Variants in BCHE observed in about 807,000 individuals in gnomAD.
BCHE encodes the protein cholinesterase.
In BCHE, 48 loss-of-function variants were observed where a neutral mutation model predicts 51.3. The ratio of observed to expected loss-of-function variants is 0.94; its 90% confidence interval spans 0.74 to 1.19. BCHE has a LOEUF of 1.19. Among genes scored for constraint, BCHE ranks in the 50% most tolerant of loss-of-function variants. The pLI, the probability that BCHE is intolerant of heterozygous loss-of-function variation, is 0.00. For missense variants in BCHE, 847 were observed against 708.2 expected, an observed-to-expected ratio of 1.20 and a Z score of -2.23; for synonymous variants, 251 against 238.0, an observed-to-expected ratio of 1.05 and a Z score of -0.50.
In BCHE at chr3:165,830,694, TG is replaced by T. The variant is rs754304373; in HGVS notation, c.339del (p.Asn113LysfsTer11). The T allele has an allele frequency of 6.2e-7, 1 of 1,614,056 alleles. No homozygotes were observed. The highest frequency in any genetic ancestry group is 8.5e-7 in the Non-Finnish European group (1 of 1,179,968). On this transcript the variant is annotated frameshift_variant, in exon 2 of 4. Transcript: ENST00000264381. LOFTEE classifies it high-confidence loss of function. ...GFHGSEMWNP[N>X]TDLSEDCLYL... is the part of the protein sequence containing the mutation. The stretch of plus-strand genomic sequence containing the variant: ...TATAAACAGTCTTCACTGAGGTCAG[TG>T]TTTGGGTTCCACATCTCTGATCCAT...
At chr3:165,799,392 A>G (rs1362046313) in intron 2 of BCHE, among the ~76,000 whole-genome samples, 1 of 152,160 alleles carries the variant, frequency 6.6e-6, no homozygotes, top group African/African-American at 2.4e-5. Flanking sequence ...CATTTTATGT[A>G]TTAATATACA....
Position 165,786,318 on chromosome 3 carries a change from A to C in BCHE, c.1518-7T>G. On this transcript the variant is annotated splice_region_variant and splice_polypyrimidine_tract_variant and intron_variant, in intron 2 of 3. Transcript: ENST00000264381. ...CTGAGTCTCATTTGGATTCCTAAAT[A>C]ATAAAATAGAGACATTATAGTAAAA... The C allele has an allele frequency of 6.2e-7, 1 of 1,605,136 alleles. No homozygotes were observed. The highest frequency in any genetic ancestry group is 8.5e-7 in the Non-Finnish European group (1 of 1,173,592).
intron 3 of BCHE, among the ~76,000 whole-genome samples, chr3:165,774,341 TA>T (rs201822369): frequency 2.4e-4 from 37 of 152,208 alleles, no homozygotes; most frequent in African/African-American, 8.9e-4. Context: ...TTTATTTATT[TA>T]TTTTTTTTTG....
Position 165,829,561 on chromosome 3 carries a change from C to G in BCHE, c.1473G>C (p.Leu491Phe). ...CCCACCGTTTCACTATGGATCTACTCAAAATTTCCTCGGCTTTTGTGTAAT... is the reference window on the plus strand; with the variant it reads ...CCCACCGTTTCACTATGGATCTACTGAAAATTTCCTCGGCTTTTGTGTAAT... ...RDNYTKAEEI[L>F]SRSIVKRWAN... Residue 491 changes from leucine to phenylalanine, a missense_variant, in exon 2 of 4, where the codon TTG becomes TTC. Transcript: ENST00000264381. 3 of 1,613,750 alleles carry G rather than the reference C, an allele frequency of 1.9e-6. No individual in the cohort carries two copies. Among genetic ancestry groups the G allele is most frequent in the Non-Finnish European group, 2.5e-6 (3 of 1,179,824 alleles).
chr3:165,786,057 C>T, intron 3 of BCHE, 88 bp downstream of exon 3: 1 of 1,378,988 alleles, frequency 7.3e-7, no homozygotes. Context: ...TATAGTAACT[C>T]CATCACCGTG....
intron 2 of BCHE, among the ~76,000 whole-genome samples, chr3:165,796,523 A>G (rs140983451): frequency 1.8e-3 from 277 of 152,326 alleles, no homozygotes; most frequent in Non-Finnish European, 3.2e-3. Context: ...AAAATGGAGT[A>G]TAAAATGCCT....
At chr3:165,831,358 A>G (rs1165881960) in intron 1 of BCHE, among the ~76,000 whole-genome samples, 2 of 152,188 alleles carry the variant, frequency 1.3e-5, no homozygotes, top group African/African-American at 4.8e-5. Flanking sequence ...ACTTCTGACT[A>G]TATGTACAGC....
intron 2 of BCHE, among the ~76,000 whole-genome samples, chr3:165,820,671 T>C (rs1047081511): frequency 6.6e-6 from 1 of 151,938 alleles, no homozygotes; most frequent in African/African-American, 2.4e-5. Context: ...ACGTGAACTA[T>C]TATCTGTCGG....
At chr3:165,823,632 G>T (rs922282718) in intron 2 of BCHE, among the ~76,000 whole-genome samples, 5 of 152,060 alleles carry the variant, frequency 3.3e-5, no homozygotes, top group Admixed American at 3.3e-4. Context: ...TTTATAATAA[G>T]ATATTTTCCC....
At chr3:165,832,827 G>A (rs1162375494) in intron 1 of BCHE, among the ~76,000 whole-genome samples, 1 of 152,010 alleles carries the variant, frequency 6.6e-6, no homozygotes, top group East Asian at 1.9e-4. Context: ...CAAAGAAAGA[G>A]AATAAATAAC....
At chr3:165,797,576 T>C (rs1426131927) in intron 2 of BCHE, among the ~76,000 whole-genome samples, 1 of 151,852 alleles carries the variant, frequency 6.6e-6, no homozygotes, top group East Asian at 2.0e-4. Flanking sequence ...TCAAATGTAC[T>C]TTCAAATAAT....
intron 2 of BCHE, among the ~76,000 whole-genome samples, chr3:165,791,841 G>A (rs113377045): frequency 1.3e-5 from 2 of 151,926 alleles, no homozygotes; most frequent in Non-Finnish European, 1.5e-5. Flanking sequence ...CCAGCTACTC[G>A]GGAGGCTGAG....
intron 2 of BCHE, among the ~76,000 whole-genome samples, chr3:165,817,977 A>G (rs1714372548): frequency 6.6e-6 from 1 of 152,072 alleles, no homozygotes; most frequent in Admixed American, 6.6e-5. Context: ...ATCTGACCAT[A>G]ATTATTTTAT....
At chr3:165,806,224 C>G (rs1713858865) in intron 2 of BCHE, among the ~76,000 whole-genome samples, 2 of 152,108 alleles carry the variant, frequency 1.3e-5, no homozygotes, top group South Asian at 4.1e-4. Flanking sequence ...TTCTTCATAA[C>G]TCCCCAGATT....
intron 2 of BCHE, among the ~76,000 whole-genome samples, chr3:165,819,469 T>A (rs1191799195): frequency 6.6e-6 from 1 of 152,148 alleles, no homozygotes; most frequent in Non-Finnish European, 1.5e-5. Flanking sequence ...AAAGTGTTTA[T>A]AATTTAAAAA....
intron 1 of BCHE, among the ~76,000 whole-genome samples, chr3:165,833,928 A>G (rs1715083834): frequency 6.6e-6 from 1 of 152,114 alleles, no homozygotes; most frequent in South Asian, 2.1e-4. Context: ...CCTCTTGCCT[A>G]GCTCAGTCAA....
At chr3:165,831,591 T>G (rs7640681) in intron 1 of BCHE, among the ~76,000 whole-genome samples, 2,411 of 152,280 alleles carry the variant, frequency 0.016, 73 homozygotes, top group African/African-American at 0.055. Context: ...CCAAGTGACA[T>G]CTTCCTCTAT....
rs36087072 is a variant in BCHE, at chr3:165,815,247, GAAA to G, written c.1517+14267_1517+14269del. The stretch of plus-strand genomic sequence containing the variant: ...GATAGGTATTAACACTTTGATTTTA[GAAA>G]AAAAAAAAAAAATAAGGGCAAAGGA... On this transcript the variant is annotated intron_variant, in intron 2 of 3. Transcript: ENST00000264381. Among the ~76,000 whole-genome samples, 427 of 145,106 alleles carry G rather than the reference GAAA, an allele frequency of 2.9e-3. 6 individuals are homozygous for G. Among genetic ancestry groups the G allele is most frequent in the African/African-American group, 5.1e-3 (200 of 39,170 alleles).
At chr3:165,806,898 A>C (rs1431084726) in intron 2 of BCHE, among the ~76,000 whole-genome samples, 1 of 152,080 alleles carries the variant, frequency 6.6e-6, no homozygotes, top group African/African-American at 2.4e-5. Context: ...GCATGACCAG[A>C]ACACTATAAT....
Sources: allele counts gnomAD v4.1 joint callset (sites outside exome capture counted in the v4.1 genomes callset), GRCh38; gene constraint gnomAD v4.1.1; transcripts MANE v1.5; gene names NCBI Gene and HGNC (gene_info 2026-07-23, HGNC 2026-07-21).